The following CACNA1B variants were observed in gnomAD, a reference collection of about 807,000 sequenced individuals.
CACNA1B encodes the protein calcium voltage-gated channel subunit alpha1 B.
Under a neutral mutation model 247.2 loss-of-function variants are expected in CACNA1B, and 70 were observed. The ratio of observed to expected loss-of-function variants is 0.28; its 90% CI spans 0.23 to 0.35. The LOEUF is 0.35. CACNA1B is among the 10% of genes least tolerant of loss of function. The pLI is 1.00. For missense variants in CACNA1B, 2,367 were observed against 3,197.4 expected, an observed-to-expected ratio of 0.74 and a Z score of 6.26; for synonymous variants, 1,231 against 1,294.4, an observed-to-expected ratio of 0.95 and a Z score of 1.05.
chr9:137,931,585 A>T (rs2133305253), intron 6 of CACNA1B, among the ~76,000 whole-genome samples: 1 of 152,026 alleles, frequency 6.6e-6, no homozygotes, highest in Non-Finnish European at 1.5e-5. Flanking sequence ...GATCCCCATC[A>T]TCTTTATAGG....
chr9:137,971,945 G>A lies in CACNA1B; in HGVS notation c.1543+353G>A, dbSNP rs116289668. On this transcript the variant is annotated intron_variant, in intron 11 of 46. Transcript: ENST00000371372. This position sits in a 1 kb window ranked among gnomAD's most constrained non-coding sequence, Gnocchi z 4.4. ...GCCAGGCAGATGGGTGTCCTCCCCT[G>A]AGAGGGCTTCAGACCCACAGACAGG... 0.035 allele frequency among the ~76,000 whole-genome samples: 5,309 copies of A among 152,184 alleles called. 105 individuals are homozygous for A. The highest frequency in any genetic ancestry group is 0.071 in the South Asian group (342 of 4,814).
intron 36 of CACNA1B, among the ~76,000 whole-genome samples, chr9:138,095,410 C>G (rs1438487999): frequency 6.6e-6 from 1 of 152,140 alleles, no homozygotes. Flanking sequence ...CAATGAGATA[C>G]CTCTTTACAT....
rs1257643697 is a variant in CACNA1B at position 137,913,020 on chromosome 9, G to T, written c.531-160G>T. Among the ~76,000 whole-genome samples, 1 of 148,848 alleles carries T rather than the reference G, an allele frequency of 6.7e-6. No individual in the cohort carries two copies. ...TGTGCTGGCCCTGTGGTTGGACAGT[G>T]GGGGGACACAGGTGCTGGCCCTGTG... On this transcript the variant is annotated intron_variant, in intron 3 of 46. Transcript: ENST00000371372. The surrounding 1 kb of genome is among the most constrained non-coding windows in gnomAD (Gnocchi z 5.2).
rs545187583 is a variant in CACNA1B, at chr9:137,950,526, G to A, written c.967-1748G>A. On this transcript the variant is annotated intron_variant, in intron 6 of 46. Coordinates refer to ENST00000371372, the MANE Select transcript of CACNA1B (RefSeq NM_000718.4). The surrounding 1 kb of genome is among the most constrained non-coding windows in gnomAD (Gnocchi z 4.8). ...CACCCCATGGAGGGTGAGGGGATTC[G>A]GATGCCTCACTGCAGTCTAGGTGCT... Among the ~76,000 whole-genome samples, 2 of 152,188 alleles carry A rather than the reference G, an allele frequency of 1.3e-5. No homozygotes were observed. Among genetic ancestry groups the A allele is most frequent in the Non-Finnish European group, 2.9e-5 (2 of 68,034 alleles).
intron 36 of CACNA1B, among the ~76,000 whole-genome samples, chr9:138,078,760 G>A (rs1284363567): frequency 1.3e-5 from 2 of 152,198 alleles, no homozygotes; most frequent in Admixed American, 6.5e-5. Flanking sequence ...GTGAGGAGAC[G>A]ACTGGGGGCA....
intron 3 of CACNA1B, among the ~76,000 whole-genome samples, chr9:137,904,367 T>G (rs1267123502): frequency 7.0e-6 from 1 of 142,874 alleles, no homozygotes; most frequent in Non-Finnish European, 1.5e-5. Flanking sequence ...TTTTTTTTTT[T>G]TTTTTTTGAG....
intron 6 of CACNA1B, among the ~76,000 whole-genome samples, chr9:137,925,840 T>A (rs967540419): frequency 6.6e-6 from 1 of 151,804 alleles, no homozygotes; most frequent in African/African-American, 2.4e-5. Flanking sequence ...CCTCCCAGGT[T>A]CATGCCATTC....
In CACNA1B at chr9:138,057,094, C is replaced by T. The variant is rs1448057791; in HGVS notation, c.3969-638C>T. ...GGGACTATAGGCGCCCGCCACCACG[C>T]CCGGCTAATTATTTTTGTATTTTTA... On this transcript the variant is annotated intron_variant, in intron 26 of 46. Coordinates refer to ENST00000371372, the MANE Select transcript of CACNA1B (RefSeq NM_000718.4). This position sits in a 1 kb window ranked among gnomAD's most constrained non-coding sequence, Gnocchi z 4.0. Among the ~76,000 whole-genome samples the T allele has an allele frequency of 6.6e-6, 1 of 152,022 alleles. No homozygotes were observed. Among genetic ancestry groups the T allele is most frequent in the Non-Finnish European group, 1.5e-5 (1 of 68,000 alleles).
chr9:138,025,823 C>G (rs1287569555), intron 20 of CACNA1B, among the ~76,000 whole-genome samples: 1 of 152,184 alleles, frequency 6.6e-6, no homozygotes, highest in African/African-American at 2.4e-5. Context: ...GTTACAAATA[C>G]AGGCCCCTTA....
intron 39 of CACNA1B, among the ~76,000 whole-genome samples, chr9:138,106,087 T>C (rs1361377376): frequency 6.6e-6 from 1 of 152,156 alleles, no homozygotes; most frequent in Non-Finnish European, 1.5e-5. Flanking sequence ...CAGCTGGTGG[T>C]GGAACCAGGA....
In CACNA1B at chr9:138,122,220, C is replaced by T. The variant is rs966416306; in HGVS notation, c.*221C>T. ...CTCTGTCCCCTTCCTGTCCTGCCTT[C>T]CTGGGTCTCGTACCACACACCAGAC... On this transcript the variant is annotated 3_prime_UTR_variant, in exon 47 of 47. Coordinates refer to ENST00000371372, the MANE Select transcript of CACNA1B (RefSeq NM_000718.4). 1 of 588,270 alleles carries T rather than the reference C, an allele frequency of 1.7e-6. No homozygotes were observed. The highest frequency in any genetic ancestry group is 4.5e-4 in the Middle Eastern group (1 of 2,200). The allele number at this position is 588,270 out of a possible 1,614,324, so 36.4% of individuals were successfully genotyped here.
chr9:138,113,952 C>T (rs1276284894), intron 40 of CACNA1B, among the ~76,000 whole-genome samples: 1 of 119,758 alleles, frequency 8.4e-6, no homozygotes, highest in Non-Finnish European at 1.7e-5. Flanking sequence ...GAGGGAGCGC[C>T]GGGAGGTGCC....
intron 8 of CACNA1B, 76 bp from the exon 9 acceptor site, chr9:137,956,695 G>T: frequency 1.7e-6 from 2 of 1,208,282 alleles, no homozygotes; most frequent in South Asian, 1.4e-5. Context: ...GGGCCTTCCA[G>T]ACAGAGATGT....
rs1344797945 is a variant in CACNA1B at position 137,975,902 on chromosome 9, C to T, written c.1544-5C>T. 1.9e-6 allele frequency: 3 copies of T among 1,586,346 alleles called. No individual in the cohort carries two copies. Among genetic ancestry groups the T allele is most frequent in the South Asian group, 1.1e-5 (1 of 90,176 alleles). On this transcript the variant is annotated splice_region_variant and splice_polypyrimidine_tract_variant and intron_variant, in intron 11 of 46. Coordinates refer to ENST00000371372, the MANE Select transcript of CACNA1B (RefSeq NM_000718.4). Reference sequence around the variant, plus strand: ...CTAATCCCCCTCTTCTCCGGCTTCTCCTAGATTTTGCAGAGTTTGTTTTCC... The same window carrying T: ...CTAATCCCCCTCTTCTCCGGCTTCTTCTAGATTTTGCAGAGTTTGTTTTCC...
rs1387292298 is a variant in CACNA1B, at chr9:137,888,680, T to A, written c.530+5797T>A. 1.2e-4 allele frequency among the ~76,000 whole-genome samples: 18 copies of A among 152,156 alleles called. No individual in the cohort carries two copies. Among genetic ancestry groups the A allele is most frequent in the Non-Finnish European group, 1.9e-4 (13 of 68,018 alleles). ...CCTCCTGTGGGTTGAAGAGAGGGTG[T>A]GTGGGTGTGTGGCCGCTGCACCAGG... On this transcript the variant is annotated intron_variant, in intron 3 of 46. Transcript: ENST00000371372. The surrounding 1 kb of genome is among the most constrained non-coding windows in gnomAD (Gnocchi z 4.7).
chr9:138,122,020 C>T lies in CACNA1B; in HGVS notation c.*21C>T, dbSNP rs1174182178. On this transcript the variant is annotated 3_prime_UTR_variant, in exon 47 of 47. Coordinates refer to ENST00000371372, the MANE Select transcript of CACNA1B (RefSeq NM_000718.4). ...GCTAGCTGCACCGTGACCGCTCAGA[C>T]GCCTGCATGCAGCAGGCGTGTGTTC... 6.3e-6 allele frequency: 10 copies of T among 1,579,422 alleles called. No individual in the cohort carries two copies. The highest frequency in any genetic ancestry group is 4.5e-5 in the East Asian group (2 of 44,230).
chr9:137,927,133 C>T (rs1957560214), intron 6 of CACNA1B, among the ~76,000 whole-genome samples: 1 of 151,924 alleles, frequency 6.6e-6, no homozygotes, highest in Admixed American at 6.6e-5. Context: ...AGCTTTTGAC[C>T]TATGTTTTCT....
At chr9:137,937,952 A>AAAAG (rs983800002) in intron 6 of CACNA1B, among the ~76,000 whole-genome samples, 1 of 139,416 alleles carries the variant, frequency 7.2e-6, no homozygotes, top group African/African-American at 2.7e-5. Context: ...TGTCTCAAAA[A>AAAAG]AAAAAAAAAA....
rs4066675 is a variant in CACNA1B, at chr9:138,020,098, C to CAAAA, written c.2268-2895_2268-2892dup. 2.6e-4 allele frequency among the ~76,000 whole-genome samples: 22 copies of CAAAA among 83,788 alleles called. No individual in the cohort carries two copies. Among genetic ancestry groups the CAAAA allele is most frequent in the African/African-American group, 8.1e-4 (21 of 25,784 alleles). The allele number at this position is 83,788 out of a possible 152,430, so 55.0% of individuals were successfully genotyped here. ...GGCGACACAGCGAGACTCTGTCTCC[C>CAAAA]AAAAAAAAAAAAAAAAAAAAATGCA... On this transcript the variant is annotated intron_variant, in intron 18 of 46. Coordinates refer to ENST00000371372, the MANE Select transcript of CACNA1B (RefSeq NM_000718.4). The surrounding 1 kb of genome is among the most constrained non-coding windows in gnomAD (Gnocchi z 4.1).
Sources: gnomAD v4.1 joint callset for allele counts (sites outside exome capture counted in the v4.1 genomes callset) on GRCh38, gnomAD v4.1.1 for gene constraint, Gnocchi (gnomAD v3.1) non-coding constraint, MANE v1.5 for transcripts, NCBI Gene and HGNC (gene_info 2026-07-23, HGNC 2026-07-21) for gene names.